CALD1: variants seen among roughly 807,000 people sequenced by gnomAD.
CALD1 encodes the protein caldesmon 1.
Under a neutral mutation model 99.9 loss-of-function variants are expected in CALD1, and 33 were observed. That is an observed-to-expected ratio of 0.33 (90% confidence interval 0.25 to 0.44). The LOEUF is 0.44. CALD1 is among the 20% of genes least tolerant of loss of function. CALD1 has a pLI of 1.00. For missense variants in CALD1, 861 were observed against 962.1 expected (o/e 0.89, Z 1.39); for synonymous variants, 310 against 325.0 (o/e 0.95, Z 0.50).
chr7:134,922,325 TA>T (rs1271895689), intron 3 of CALD1, among the ~76,000 whole-genome samples: 1 of 152,240 alleles, frequency 6.6e-6, no homozygotes, highest in Non-Finnish European at 1.5e-5. Flanking sequence ...ATTTAATTTT[TA>T]AACATGGCTT....
intron 11 of CALD1, among the ~76,000 whole-genome samples, chr7:134,959,562 C>T (rs1044300588): frequency 2.0e-5 from 3 of 151,986 alleles, no homozygotes; most frequent in African/African-American, 7.3e-5. Flanking sequence ...TCCAGCTACT[C>T]GGGAAGCTGA....
At chr7:134,896,971 C>T (rs966919016) in intron 3 of CALD1, among the ~76,000 whole-genome samples, 11 of 152,216 alleles carry the variant, frequency 7.2e-5, no homozygotes, top group Middle Eastern at 6.8e-3. Context: ...TCTGAGAGCC[C>T]GACTACCATG....
intron 3 of CALD1, among the ~76,000 whole-genome samples, chr7:134,888,515 C>T (rs1226814613): frequency 6.6e-6 from 1 of 152,210 alleles, no homozygotes; most frequent in Non-Finnish European, 1.5e-5. Flanking sequence ...CAGCCCCAGG[C>T]ACCAGGTCTC....
chr7:134,820,262 A>G (rs1005947979), intron 1 of CALD1, among the ~76,000 whole-genome samples: 3 of 152,240 alleles, frequency 2.0e-5, no homozygotes, highest in Non-Finnish European at 4.4e-5. Context: ...TAGATGGACA[A>G]TGACCTAAAA....
chr7:134,945,283 G>C (rs531884674), intron 7 of CALD1, among the ~76,000 whole-genome samples: 1 of 152,270 alleles, frequency 6.6e-6, no homozygotes, highest in South Asian at 2.1e-4. Flanking sequence ...AGGCACGGAA[G>C]GTAGCTAGAC....
At chr7:134,836,154 A>G (rs534832441) in intron 1 of CALD1, among the ~76,000 whole-genome samples, 99 of 151,540 alleles carry the variant, frequency 6.5e-4, no homozygotes, top group Non-Finnish European at 1.2e-3. Flanking sequence ...AAAAAAAAAA[A>G]AAAAAAAAAA....
intron 2 of CALD1, among the ~76,000 whole-genome samples, chr7:134,857,093 T>C (rs1016871545): frequency 8.6e-5 from 13 of 150,674 alleles, no homozygotes; most frequent in Non-Finnish European, 1.0e-4. Context: ...AAATACAACA[T>C]GGGTATCAGT....
In CALD1 at chr7:134,912,077, G is replaced by C. The variant is rs1048619842; in HGVS notation, c.72-16677G>C. ...ACTTAAGTGTAATCAAAGAGAGCAA[G>C]AGAGTATAAAATGAAGTTGAAAGAA... On this transcript the variant is annotated intron_variant, in intron 3 of 14. Transcript: ENST00000361675. Among the ~76,000 whole-genome samples the C allele has an allele frequency of 8.5e-5, 13 of 152,266 alleles. No homozygotes were observed. The South Asian group carries it at 2.1e-3, about 24-fold the overall frequency.
upstream of CALD1, chr7:134,779,589 G>A: frequency 2.5e-6 from 1 of 398,386 alleles, no homozygotes; most frequent in Non-Finnish European, 4.4e-6. Flanking sequence ...ATGGACTTCT[G>A]GGAGGGGCCA....
chr7:134,844,231 T>G (rs564274683), intron 2 of CALD1: 3 of 152,166 alleles, frequency 2.0e-5, no homozygotes, highest in Non-Finnish European at 4.4e-5. Context: ...TCCTGCAATG[T>G]AATATCTTTC....
chr7:134,874,793 GTAAA>G (rs1419130209), intron 3 of CALD1, among the ~76,000 whole-genome samples: 11 of 152,142 alleles, frequency 7.2e-5, no homozygotes, highest in Admixed American at 1.3e-4. Flanking sequence ...ACATTTGAAA[GTAAA>G]TATTTTTACT....
intron 3 of CALD1, chr7:134,920,567 A>T (rs1222325858): frequency 7.8e-7 from 1 of 1,282,640 alleles, no homozygotes; most frequent in Non-Finnish European, 1.0e-6. Flanking sequence ...GGGACAGAAT[A>T]GTGTTCTGGA....
intron 14 of CALD1, 169 bp downstream of exon 14, chr7:134,965,555 G>C (rs1052674771): frequency 1.9e-6 from 1 of 531,678 alleles, no homozygotes; most frequent in Non-Finnish European, 3.4e-6. Flanking sequence ...AAAGCGCATT[G>C]CAAGTTTGTC....
At chr7:134,747,265 G>A (rs1209322390) in intron 1 of CALD1, among the ~76,000 whole-genome samples, 1 of 152,190 alleles carries the variant, frequency 6.6e-6, no homozygotes, top group African/African-American at 2.4e-5. Context: ...AGCCAGAAGA[G>A]TGAGATAAAG....
At chr7:134,766,141 CTTTTTTTTTT>C (rs71172475) in intron 1 of CALD1, among the ~76,000 whole-genome samples, 14 of 70,804 alleles carry the variant, frequency 2.0e-4, no homozygotes, top group South Asian at 5.9e-4. Context: ...CTTTTCTTTT[CTTTTTTTTTT>C]TTTTTTTTTT....
intron 4 of CALD1, among the ~76,000 whole-genome samples, chr7:134,930,939 C>T (rs2132939475): frequency 6.6e-6 from 1 of 152,224 alleles, no homozygotes; most frequent in East Asian, 1.9e-4. Flanking sequence ...TGATGCCTTT[C>T]CTGAATCTTG....
At chr7:134,858,570 T>C (rs1369215419) in intron 2 of CALD1, among the ~76,000 whole-genome samples, 1 of 152,090 alleles carries the variant, frequency 6.6e-6, no homozygotes, top group Admixed American at 6.5e-5. Context: ...TATTAGGAGT[T>C]GAAAGATCTC....
At chr7:134,839,086 T>C (rs1013794607) in intron 1 of CALD1, among the ~76,000 whole-genome samples, 1 of 152,214 alleles carries the variant, frequency 6.6e-6, no homozygotes, top group Non-Finnish European at 1.5e-5. Context: ...GAGTCATGCC[T>C]TCCCCCACCC....
chr7:134,769,787 G>A lies in CALD1; in HGVS notation c.-130+25424G>A, dbSNP rs1446622285. Among the ~76,000 whole-genome samples the A allele has an allele frequency of 3.3e-5, 5 of 152,034 alleles. 1 individual carries two copies. Among genetic ancestry groups the A allele is most frequent in the African/African-American group, 1.2e-4 (5 of 41,400 alleles). On this transcript the variant is annotated intron_variant, in intron 1 of 13. Transcript: ENST00000417172. ...TGAGTAGCTGGGATTACAGGCATGC[G>A]CCAACATGCCTAGCTAATTTTTGTA...
Sources: allele counts gnomAD v4.1 joint callset (sites outside exome capture counted in the v4.1 genomes callset), GRCh38; gene constraint gnomAD v4.1.1; transcripts MANE v1.5; gene names NCBI Gene and HGNC (gene_info 2026-07-23, HGNC 2026-07-21).